CDH12: variants seen among roughly 807,000 people sequenced by gnomAD.
The protein encoded by CDH12 is cadherin 12.
Under a neutral mutation model 74.1 loss-of-function variants are expected in CDH12, and 41 were observed. The observed-to-expected ratio is 0.55, with a 90% CI of 0.43 to 0.72. The LOEUF (loss-of-function observed/expected upper bound fraction) is 0.72. CDH12 is among the 30% of genes least tolerant of loss of function. CDH12 has a pLI of 0.00. For synonymous variants in CDH12, 399 were observed against 355.0 expected (o/e 1.12, Z -1.39); for missense variants, 945 against 977.2 (o/e 0.97, Z 0.44).
chr5:22,153,879 T>TAC (rs1747797572), intron 4 of CDH12, among the ~76,000 whole-genome samples: 2 of 59,646 alleles, frequency 3.4e-5, no homozygotes, highest in South Asian at 7.7e-4. Flanking sequence ...TATGTATATA[T>TAC]ATATATATAA....
At chr5:21,885,761 A>G (rs1015231928) in intron 6 of CDH12, among the ~76,000 whole-genome samples, 1 of 152,146 alleles carries the variant, frequency 6.6e-6, no homozygotes, top group Non-Finnish European at 1.5e-5. Flanking sequence ...TCTCTACTAT[A>G]TCATCAGTGC....
intron 2 of CDH12, among the ~76,000 whole-genome samples, chr5:22,433,159 T>C (rs1580644596): frequency 6.6e-6 from 1 of 152,266 alleles, no homozygotes; most frequent in East Asian, 1.9e-4. Flanking sequence ...CTCAGCCCTG[T>C]GTTTTCTTTT....
chr5:21,756,477 C>T (rs1184319164), intron 13 of CDH12, among the ~76,000 whole-genome samples: 2 of 152,126 alleles, frequency 1.3e-5, no homozygotes, highest in Non-Finnish European at 2.9e-5. Flanking sequence ...AAAAGTAACT[C>T]ATTGTAATTC....
At chr5:22,656,085 C>T (rs1740018745) in intron 1 of CDH12, among the ~76,000 whole-genome samples, 1 of 152,038 alleles carries the variant, frequency 6.6e-6, no homozygotes, top group Non-Finnish European at 1.5e-5. Context: ...TGTAAGCCCT[C>T]TTCTGAGGGA....
chr5:22,076,033 G>A (rs944651861), intron 5 of CDH12, among the ~76,000 whole-genome samples: 4 of 152,002 alleles, frequency 2.6e-5, no homozygotes, highest in African/African-American at 9.7e-5. Flanking sequence ...CAGAGTTAAT[G>A]AAAATTTAAT....
chr5:22,423,731 C>T (rs1267484071), intron 2 of CDH12, among the ~76,000 whole-genome samples: 1 of 152,098 alleles, frequency 6.6e-6, no homozygotes, highest in African/African-American at 2.4e-5. Flanking sequence ...TGGCCGGGCG[C>T]AGCGGCTCAA....
chr5:21,914,251 T>G (rs1215021564), intron 6 of CDH12, among the ~76,000 whole-genome samples: 1 of 152,186 alleles, frequency 6.6e-6, no homozygotes, highest in African/African-American at 2.4e-5. Context: ...GCTATTCATC[T>G]TCTACATGCA....
chr5:21,995,554 C>A (rs1406140320), intron 5 of CDH12, among the ~76,000 whole-genome samples: 3 of 151,920 alleles, frequency 2.0e-5, no homozygotes, highest in Non-Finnish European at 4.4e-5. Context: ...AGCTTAGCAG[C>A]CACCTCATTA....
chr5:22,179,906 A>C (rs1749543343), intron 4 of CDH12, among the ~76,000 whole-genome samples: 1 of 152,298 alleles, frequency 6.6e-6, no homozygotes, highest in Non-Finnish European at 1.5e-5. Flanking sequence ...TGGTATTACC[A>C]AGTAGAGGAA....
intron 3 of CDH12, among the ~76,000 whole-genome samples, chr5:22,362,732 C>T (rs1049771139): frequency 1.3e-5 from 2 of 151,718 alleles, no homozygotes; most frequent in Admixed American, 1.3e-4. Flanking sequence ...ACATATATAC[C>T]ATGGAATACT....
At chr5:22,162,881 T>C (rs1382901915) in intron 4 of CDH12, among the ~76,000 whole-genome samples, 1 of 145,438 alleles carries the variant, frequency 6.9e-6, no homozygotes, top group Non-Finnish European at 1.5e-5. Flanking sequence ...GTTCTTTCTC[T>C]TCCCTCTGAC....
chr5:22,604,988 C>CCCA (rs766415486), intron 1 of CDH12, among the ~76,000 whole-genome samples: 7 of 152,310 alleles, frequency 4.6e-5, no homozygotes, highest in Non-Finnish European at 8.8e-5. Context: ...TCCTTGATCA[C>CCCA]CCACAGGTGA....
intron 6 of CDH12, among the ~76,000 whole-genome samples, chr5:21,911,610 A>T (rs1261622154): frequency 6.6e-6 from 1 of 152,100 alleles, no homozygotes; most frequent in Non-Finnish European, 1.5e-5. Context: ...AATTCATAAA[A>T]TATTATTGAA....
chr5:21,934,987 C>T (rs1755013189), intron 6 of CDH12, among the ~76,000 whole-genome samples: 1 of 152,108 alleles, frequency 6.6e-6, no homozygotes, highest in Non-Finnish European at 1.5e-5. Flanking sequence ...GGGGTTTCAT[C>T]GTGTTAGCCA....
At chr5:22,679,378 T>C (rs1741370909) in intron 1 of CDH12, among the ~76,000 whole-genome samples, 1 of 152,090 alleles carries the variant, frequency 6.6e-6, no homozygotes, top group Admixed American at 6.6e-5. Context: ...AGAGGATGCA[T>C]TTTGAAGAAA....
At chr5:22,387,779 G>C (rs1460451712) in intron 3 of CDH12, among the ~76,000 whole-genome samples, 1 of 152,128 alleles carries the variant, frequency 6.6e-6, no homozygotes, top group African/African-American at 2.4e-5. Flanking sequence ...AGCAGCCTCT[G>C]TTTGAGTTCA....
rs201917288 is a variant in CDH12, at chr5:22,184,661, ATCT to A, written c.-187+27834_-187+27836del. Among the ~76,000 whole-genome samples the A allele has an allele frequency of 3.9e-3, 594 of 152,292 alleles. 7 individuals are homozygous for A. The highest frequency in any genetic ancestry group is 0.013 in the African/African-American group (556 of 41,564). ...AAAAATAAATCCTCCTGAGAACTAC[ATCT>A]TCTTATTTAGAACTCCTGTCCTTAC... On this transcript the variant is annotated intron_variant, in intron 4 of 14. Coordinates refer to ENST00000382254, the MANE Select transcript of CDH12 (RefSeq NM_004061.5).
chr5:22,081,227 C>T (rs999364885), intron 4 of CDH12, among the ~76,000 whole-genome samples: 1 of 152,138 alleles, frequency 6.6e-6, no homozygotes, highest in Admixed American at 6.5e-5. Context: ...GCAATTTATT[C>T]TTAACATTCA....
At chr5:22,139,071 T>C (rs71609230) in intron 4 of CDH12, among the ~76,000 whole-genome samples, 1 of 150,850 alleles carries the variant, frequency 6.6e-6, no homozygotes. Flanking sequence ...ATATAATTTT[T>C]CCCCAAATAT....
Sources: allele counts gnomAD v4.1 joint callset (sites outside exome capture counted in the v4.1 genomes callset), GRCh38; gene constraint gnomAD v4.1.1; transcripts MANE v1.5; gene names NCBI Gene and HGNC (gene_info 2026-07-23, HGNC 2026-07-21).